Variants in ALK observed in about 807,000 individuals in gnomAD.
ALK encodes the protein ALK receptor tyrosine kinase.
Under a neutral mutation model 163.1 loss-of-function variants are expected in ALK, and 74 were observed. That is an observed-to-expected ratio of 0.45 (90% CI 0.38 to 0.55). ALK has a LOEUF of 0.55. Ranked by LOEUF, ALK falls within the 20% of genes least tolerant of loss-of-function variation. The pLI is 0.00. For missense variants in ALK, 2,063 were observed against 2,105.3 expected, an observed-to-expected ratio of 0.98 and a Z score of 0.39; for synonymous variants, 960 against 843.2, an observed-to-expected ratio of 1.14 and a Z score of -2.40.
chr2:29,315,630 G>C (rs748459971), intron 8 of ALK, among the ~76,000 whole-genome samples: 4 of 152,094 alleles, frequency 2.6e-5, no homozygotes, highest in Non-Finnish European at 5.9e-5. Flanking sequence ...CACTCTTCGC[G>C]ATGTCATTCA....
intron 4 of ALK, among the ~76,000 whole-genome samples, chr2:29,402,080 G>T (rs1015624196): frequency 6.6e-6 from 1 of 152,222 alleles, no homozygotes; most frequent in African/African-American, 2.4e-5. Context: ...GAGATCAGTG[G>T]AGGAAGGGAA....
rs898555075 is a variant in ALK, at chr2:29,229,166, G to T, written c.2633-100C>A. On this transcript the variant is annotated intron_variant, in intron 15 of 28. Coordinates refer to ENST00000389048, the MANE Select transcript of ALK (RefSeq NM_004304.5). ...ATGCAGGACGCCTTGGAGGGCGCCCGCACCAGCTCCAGCTCCCGGGGCCCA... is the reference window on the plus strand; with the variant it reads ...ATGCAGGACGCCTTGGAGGGCGCCCTCACCAGCTCCAGCTCCCGGGGCCCA... 12 of 1,082,196 alleles carry T rather than the reference G, an allele frequency of 1.1e-5. No homozygotes were observed. The African/African-American group carries it at 1.6e-4, about 14-fold the overall frequency. The allele number at this position is 1,082,196 out of a possible 1,614,324, so 67.0% of individuals were successfully genotyped here. A position where few individuals can be genotyped will look rare whatever the true frequency, so the allele number is the denominator to read the frequency against.
intron 1 of ALK, among the ~76,000 whole-genome samples, chr2:29,796,698 C>G (rs1442813370): frequency 6.6e-6 from 1 of 152,188 alleles, no homozygotes; most frequent in Non-Finnish European, 1.5e-5. Flanking sequence ...CTCTAAGCAA[C>G]CTAGCTATTC....
chr2:29,873,503 G>A (rs1202436909), intron 1 of ALK, among the ~76,000 whole-genome samples: 1 of 152,174 alleles, frequency 6.6e-6, no homozygotes, highest in Non-Finnish European at 1.5e-5. Context: ...GATGAGGACT[G>A]TGCTCAAGGG....
intron 1 of ALK, among the ~76,000 whole-genome samples, chr2:29,776,496 CA>C (rs1355149507): frequency 2.0e-5 from 3 of 152,204 alleles, no homozygotes; most frequent in Non-Finnish European, 2.9e-5. Context: ...CCACTTTGGT[CA>C]GAGGGCTAAT....
chr2:29,414,369 C>T (rs1558313873), intron 4 of ALK, among the ~76,000 whole-genome samples: 1 of 152,132 alleles, frequency 6.6e-6, no homozygotes, highest in Non-Finnish European at 1.5e-5. Context: ...GCAAAACGGA[C>T]CCAGAAATTG....
chr2:29,300,477 C>G (rs1412261513), intron 8 of ALK, among the ~76,000 whole-genome samples: 1 of 149,302 alleles, frequency 6.7e-6, no homozygotes, highest in Non-Finnish European at 1.5e-5. Context: ...ATCCCTTGAA[C>G]CTGGGAGGCA....
At chr2:29,726,643 TC>T (rs1401841869) in intron 1 of ALK, among the ~76,000 whole-genome samples, 2 of 152,144 alleles carry the variant, frequency 1.3e-5, no homozygotes, top group Non-Finnish European at 2.9e-5. Flanking sequence ...CCAGGATGAC[TC>T]CTGAAATCAT....
intron 1 of ALK, among the ~76,000 whole-genome samples, chr2:29,874,490 C>T (rs1053561536): frequency 1.3e-5 from 2 of 152,152 alleles, no homozygotes; most frequent in Non-Finnish European, 2.9e-5. Context: ...GGAACCCTTA[C>T]CTAAAGCAGT....
intron 1 of ALK, among the ~76,000 whole-genome samples, chr2:29,844,113 A>G (rs1665776254): frequency 6.6e-6 from 1 of 152,218 alleles, no homozygotes; most frequent in Non-Finnish European, 1.5e-5. Context: ...AGGTGAAGGA[A>G]ATTTCCTTGA....
intron 7 of ALK, among the ~76,000 whole-genome samples, chr2:29,320,495 G>A (rs968038178): frequency 6.6e-6 from 1 of 152,204 alleles, no homozygotes; most frequent in Non-Finnish European, 1.5e-5. Flanking sequence ...TATTATCGTT[G>A]TTGCTATTAT....
In ALK at chr2:29,661,420, C is replaced by T. The variant is rs894899919; in HGVS notation, c.952+33430G>A. On this transcript the variant is annotated intron_variant, in intron 3 of 28. Coordinates refer to ENST00000389048, the MANE Select transcript of ALK (RefSeq NM_004304.5). The stretch of plus-strand genomic sequence containing the variant: ...CCAGGACTCACCACACTATCTGGCT[C>T]ATTGCATTTTCATTGAATGATATTT... Among the ~76,000 whole-genome samples the T allele has an allele frequency of 2.0e-5, 3 of 152,168 alleles. No homozygotes were observed. The South Asian group carries it at 6.2e-4, about 32-fold the overall frequency.
intron 3 of ALK, among the ~76,000 whole-genome samples, chr2:29,684,189 C>T (rs185697548): frequency 6.6e-6 from 1 of 152,124 alleles, no homozygotes; most frequent in African/African-American, 2.4e-5. Flanking sequence ...TGTGTCTTAT[C>T]TGTATTATTT....
intron 23 of ALK, among the ~76,000 whole-genome samples, chr2:29,217,113 G>T (rs2950825): frequency 0.97 from 140,228 of 144,210 alleles, 68,170 homozygotes; most frequent in Non-Finnish European, 1. Flanking sequence ...TGTGTCTGTG[G>T]GGGGGGGGCG....
intron 4 of ALK, among the ~76,000 whole-genome samples, chr2:29,507,017 T>A (rs1672345587): frequency 6.6e-6 from 1 of 152,206 alleles, no homozygotes; most frequent in Non-Finnish European, 1.5e-5. Context: ...GCAATTCCAC[T>A]TCTAGGTATA....
At chr2:29,634,039 T>C (rs1361689697) in intron 3 of ALK, among the ~76,000 whole-genome samples, 1 of 152,178 alleles carries the variant, frequency 6.6e-6, no homozygotes, top group African/African-American at 2.4e-5. Flanking sequence ...TTCCATTTCA[T>C]TTATATATAT....
At chr2:29,214,322 G>A (rs1669543609) in intron 23 of ALK, among the ~76,000 whole-genome samples, 1 of 152,170 alleles carries the variant, frequency 6.6e-6, no homozygotes, top group Admixed American at 6.5e-5. Flanking sequence ...AGTCTTCCCA[G>A]GTAATATGAT....
chr2:29,501,413 T>C (rs971622204), intron 4 of ALK, among the ~76,000 whole-genome samples: 1 of 152,242 alleles, frequency 6.6e-6, no homozygotes, highest in Non-Finnish European at 1.5e-5. Context: ...TTGAAAGAAC[T>C]GTCCTTGAAA....
At chr2:29,455,401 T>C (rs1236264697) in intron 4 of ALK, among the ~76,000 whole-genome samples, 1 of 152,186 alleles carries the variant, frequency 6.6e-6, no homozygotes, top group Non-Finnish European at 1.5e-5. Flanking sequence ...TGTGGTCTGA[T>C]CAGCTTGGAG....
Sources: gnomAD v4.1 joint callset for allele counts (sites outside exome capture counted in the v4.1 genomes callset) on GRCh38, gnomAD v4.1.1 for gene constraint, MANE v1.5 for transcripts, NCBI Gene and HGNC (gene_info 2026-07-23, HGNC 2026-07-21) for gene names.